The following ROBO2 variants were observed in gnomAD, a reference collection of about 807,000 sequenced individuals.
The protein encoded by ROBO2 is roundabout homolog 2.
ROBO2 carries 53 observed loss-of-function variants against 160.8 expected under a neutral mutation model. The observed-to-expected ratio is 0.33, with a 90% CI of 0.26 to 0.41. ROBO2 has a LOEUF of 0.41. Ranked by LOEUF, ROBO2 falls within the 10% of genes least tolerant of loss-of-function variation. The pLI is 1.00. For missense variants in ROBO2, 1,577 were observed against 1,722.4 expected, an observed-to-expected ratio of 0.92 and a Z score of 1.49; for synonymous variants, 664 against 611.7, an observed-to-expected ratio of 1.09 and a Z score of -1.26.
intron 24 of ROBO2, among the ~76,000 whole-genome samples, chr3:77,637,647 A>G (rs1188557424): frequency 3.3e-5 from 5 of 152,212 alleles, no homozygotes; most frequent in African/African-American, 7.2e-5. Context: ...ATTGCTAGGT[A>G]TAAATCTAGT....
At chr3:76,075,159 G>A (rs2068603138) in intron 2 of ROBO2, among the ~76,000 whole-genome samples, 2 of 151,896 alleles carry the variant, frequency 1.3e-5, no homozygotes, top group Admixed American at 1.3e-4. Flanking sequence ...TCCTCTGCTT[G>A]TGTGGAGCCC....
chr3:77,207,027 A>T (rs908292264), intron 2 of ROBO2, among the ~76,000 whole-genome samples: 47 of 152,342 alleles, frequency 3.1e-4, no homozygotes, highest in African/African-American at 1.0e-3. Context: ...CATCATAAAC[A>T]TTTTGTACCT....
chr3:77,093,867 AT>A (rs2070682176), intron 1 of ROBO2, among the ~76,000 whole-genome samples: 1 of 152,148 alleles, frequency 6.6e-6, no homozygotes, highest in Non-Finnish European at 1.5e-5. Flanking sequence ...AGAACCTAAG[AT>A]TATAAATGAA....
At chr3:77,053,872 G>A (rs2065456586) in intron 1 of ROBO2, among the ~76,000 whole-genome samples, 1 of 152,174 alleles carries the variant, frequency 6.6e-6, no homozygotes, top group Admixed American at 6.5e-5. Flanking sequence ...ATAAGTACAG[G>A]AGTTGGCGCA....
At chr3:76,557,769 T>C (rs1051339937) in intron 2 of ROBO2, among the ~76,000 whole-genome samples, 1 of 151,852 alleles carries the variant, frequency 6.6e-6, no homozygotes, top group African/African-American at 2.4e-5. Flanking sequence ...TAGAACTCAG[T>C]TCCCCTTCCG....
intron 2 of ROBO2, among the ~76,000 whole-genome samples, chr3:76,580,181 C>T (rs1285018309): frequency 6.6e-6 from 1 of 152,042 alleles, no homozygotes; most frequent in Non-Finnish European, 1.5e-5. Flanking sequence ...TTTTTGAGTA[C>T]TGAGTATAGG....
intron 2 of ROBO2, among the ~76,000 whole-genome samples, chr3:76,641,222 ATAACAT>A (rs1197854779): frequency 6.6e-6 from 1 of 152,178 alleles, no homozygotes; most frequent in Non-Finnish European, 1.5e-5. Flanking sequence ...TACAAACTGA[ATAACAT>A]TAGCATTACA....
intron 2 of ROBO2, among the ~76,000 whole-genome samples, chr3:77,311,841 CTT>C (rs2063568550): frequency 6.6e-6 from 1 of 152,146 alleles, no homozygotes; most frequent in South Asian, 2.1e-4. Context: ...AATCCCAACA[CTT>C]TGAGAGGCCG....
chr3:77,611,885 A>G (rs893141422), intron 21 of ROBO2, among the ~76,000 whole-genome samples: 70 of 151,800 alleles, frequency 4.6e-4, no homozygotes, highest in African/African-American at 1.7e-3. Flanking sequence ...GCATTTTATT[A>G]TACTCATATG....
At chr3:77,596,743 C>A (rs771984122) in exon 19 of ROBO2, 2 of 1,613,100 alleles carry the variant, frequency 1.2e-6, no homozygotes, top group Non-Finnish European at 1.7e-6. Flanking sequence ...GAAATTTTGG[C>A]CGTGGAGGTA....
chr3:76,253,706 A>T (rs985764774), intron 2 of ROBO2, among the ~76,000 whole-genome samples: 2 of 151,690 alleles, frequency 1.3e-5, no homozygotes, highest in African/African-American at 4.8e-5. Flanking sequence ...AAAGGTAAGT[A>T]TTAGCATATA....
chr3:76,956,647 G>A, intron 2 of ROBO2, among the ~76,000 whole-genome samples: 1 of 151,878 alleles, frequency 6.6e-6, no homozygotes, highest in South Asian at 2.1e-4. Context: ...CAAACCTGTG[G>A]GATTATAGTT....
intron 1 of ROBO2, among the ~76,000 whole-genome samples, chr3:75,917,387 A>G (rs1248585547): frequency 6.6e-6 from 1 of 152,220 alleles, no homozygotes; most frequent in Non-Finnish European, 1.5e-5. Flanking sequence ...TTATGGCTGC[A>G]TAGTATTCCA....
At chr3:76,683,102 G>C (rs960487013) in intron 2 of ROBO2, among the ~76,000 whole-genome samples, 1 of 152,016 alleles carries the variant, frequency 6.6e-6, no homozygotes, top group African/African-American at 2.4e-5. Context: ...AAATAGGTTA[G>C]GTCTCATGTA....
chr3:77,194,936 A>G (rs182239683), intron 2 of ROBO2, among the ~76,000 whole-genome samples: 271 of 152,302 alleles, frequency 1.8e-3, no homozygotes, highest in Non-Finnish European at 3.1e-3. Context: ...GTTGGAAATT[A>G]AATATTACAT....
chr3:76,688,626 T>TGTGC (rs1553869073), intron 2 of ROBO2, among the ~76,000 whole-genome samples: 2 of 151,314 alleles, frequency 1.3e-5, no homozygotes, highest in Admixed American at 1.3e-4. Flanking sequence ...TGTGTGTGTG[T>TGTGC]GCATGCAAGA....
At chr3:76,046,315 G>A (rs1233940786) in intron 2 of ROBO2, among the ~76,000 whole-genome samples, 1 of 151,918 alleles carries the variant, frequency 6.6e-6, no homozygotes, top group African/African-American at 2.4e-5. Context: ...ATTCTGCCAT[G>A]TAATCTAAAA....
intron 2 of ROBO2, among the ~76,000 whole-genome samples, chr3:76,695,064 A>G (rs1195691397): frequency 2.0e-5 from 3 of 152,196 alleles, no homozygotes; most frequent in Non-Finnish European, 4.4e-5. Context: ...AGATAGTGCC[A>G]TTGCACTCCA....
intron 21 of ROBO2, among the ~76,000 whole-genome samples, chr3:77,610,753 A>G (rs1583268999): frequency 6.8e-6 from 1 of 146,160 alleles, no homozygotes; most frequent in South Asian, 2.1e-4. Context: ...AAAAAAAAAA[A>G]AAAAAAAAAA....
Sources: allele counts gnomAD v4.1 joint callset (sites outside exome capture counted in the v4.1 genomes callset), GRCh38; gene constraint gnomAD v4.1.1; transcripts MANE v1.5; gene names NCBI Gene and HGNC (gene_info 2026-07-23, HGNC 2026-07-21).